Variants in AFG2A observed in about 807,000 individuals in gnomAD.
AFG2A encodes ATPase family gene 2 protein homolog A.
the AFG2A span, chr4:122,923,387 G>A: frequency 6.4e-7 from 1 of 1,562,778 alleles, no homozygotes; most frequent in Non-Finnish European, 8.7e-7. Context: ...GACTTGGGGT[G>A]CAGAGACTTT....
chr4:123,138,929 G>T, the AFG2A span, among the ~76,000 whole-genome samples: 10 of 151,926 alleles, frequency 6.6e-5, no homozygotes, highest in South Asian at 2.1e-3. Context: ...GTATATCAAA[G>T]AACTAGAATT....
the AFG2A span, among the ~76,000 whole-genome samples, chr4:123,005,299 C>T: frequency 6.6e-6 from 1 of 152,032 alleles, no homozygotes; most frequent in Non-Finnish European, 1.5e-5. Flanking sequence ...TACAGGCATG[C>T]ACCATCACGC....
At chr4:123,107,020 C>T in the AFG2A span, among the ~76,000 whole-genome samples, 1 of 152,190 alleles carries the variant, frequency 6.6e-6, no homozygotes, top group Admixed American at 6.5e-5. Context: ...AGATGTACTG[C>T]ACACATCTTC....
At chr4:123,013,017 C>A in the AFG2A span, among the ~76,000 whole-genome samples, 2 of 152,106 alleles carry the variant, frequency 1.3e-5, no homozygotes, top group Admixed American at 6.5e-5. Context: ...GTTTATTTCA[C>A]CTGGGTGTCG....
the AFG2A span, among the ~76,000 whole-genome samples, chr4:123,004,303 G>A: frequency 6.6e-6 from 1 of 152,212 alleles, no homozygotes. Flanking sequence ...GGCACACGGT[G>A]CACTGCACCC....
chr4:123,232,882 A>G, the AFG2A span, among the ~76,000 whole-genome samples: 9 of 152,200 alleles, frequency 5.9e-5, no homozygotes, highest in Admixed American at 4.6e-4. Context: ...CTAACTGTCA[A>G]TTCTTAGCAT....
At chr4:123,080,260 G>A in the AFG2A span, among the ~76,000 whole-genome samples, 1 of 152,222 alleles carries the variant, frequency 6.6e-6, no homozygotes, top group Non-Finnish European at 1.5e-5. Flanking sequence ...ATAGCAGAGA[G>A]CTAGCGCTCT....
At chr4:123,118,741 A>AT in the AFG2A span, among the ~76,000 whole-genome samples, 1 of 152,028 alleles carries the variant, frequency 6.6e-6, no homozygotes, top group Admixed American at 6.6e-5. Flanking sequence ...TGATTCTACC[A>AT]TTTTTTACTT....
chr4:123,139,014 C>T, the AFG2A span, among the ~76,000 whole-genome samples: 10 of 152,046 alleles, frequency 6.6e-5, 1 homozygote, highest in Non-Finnish European at 1.5e-4. Context: ...TCCTATTAAC[C>T]ATGTGGTTTT....
chr4:123,176,214 A>G, the AFG2A span, among the ~76,000 whole-genome samples: 1 of 152,170 alleles, frequency 6.6e-6, no homozygotes, highest in Non-Finnish European at 1.5e-5. Flanking sequence ...TATTTTGTCC[A>G]TACCTGAATA....
the AFG2A span, among the ~76,000 whole-genome samples, chr4:123,302,516 AT>A: frequency 1.9e-4 from 29 of 149,268 alleles, no homozygotes; most frequent in Admixed American, 6.7e-4. Flanking sequence ...ATGCGTGTGT[AT>A]TTTTTTTTTC....
At chr4:123,172,266 A>G in the AFG2A span, among the ~76,000 whole-genome samples, 1 of 152,244 alleles carries the variant, frequency 6.6e-6, no homozygotes, top group South Asian at 2.1e-4. Context: ...CTAACACTTT[A>G]TAAAAATTGT....
the AFG2A span, among the ~76,000 whole-genome samples, chr4:123,230,665 A>G: frequency 1.3e-5 from 2 of 151,980 alleles, no homozygotes; most frequent in African/African-American, 4.8e-5. Context: ...AATCCTTTCC[A>G]GAAAGTTTTC....
At chr4:123,166,395 T>C in the AFG2A span, among the ~76,000 whole-genome samples, 2 of 152,342 alleles carry the variant, frequency 1.3e-5, no homozygotes, top group African/African-American at 4.8e-5. Flanking sequence ...GAACTCGAAC[T>C]GGCTTCCTTT....
At chr4:123,049,862 G>C in the AFG2A span, among the ~76,000 whole-genome samples, 1 of 151,542 alleles carries the variant, frequency 6.6e-6, no homozygotes, top group Non-Finnish European at 1.5e-5. Context: ...TTTTGGGTTT[G>C]GTTTGTTCTT....
chr4:123,224,326 AT>A, the AFG2A span, among the ~76,000 whole-genome samples: 1 of 151,992 alleles, frequency 6.6e-6, no homozygotes, highest in African/African-American at 2.4e-5. Context: ...TCGTCATTTA[AT>A]TTAGGTATAT....
the AFG2A span, among the ~76,000 whole-genome samples, chr4:123,106,956 C>T: frequency 2.0e-5 from 3 of 152,254 alleles, no homozygotes; most frequent in Admixed American, 2.0e-4. Flanking sequence ...ATGGGGTGGG[C>T]AGCTCCACAC....
the AFG2A span, among the ~76,000 whole-genome samples, chr4:123,174,819 T>TTTA: frequency 5.6e-5 from 8 of 143,234 alleles, no homozygotes; most frequent in Non-Finnish European, 9.4e-5. Context: ...TGATCTTTTT[T>TTTA]AAAAAAAATA....
the AFG2A span, among the ~76,000 whole-genome samples, chr4:123,148,670 G>A: frequency 6.6e-6 from 1 of 152,002 alleles, no homozygotes; most frequent in Non-Finnish European, 1.5e-5. Context: ...GGGATAGGAG[G>A]CCAACAATGT....
Sources: gnomAD v4.1 joint callset for allele counts (sites outside exome capture counted in the v4.1 genomes callset) on GRCh38, gnomAD v4.1.1 for gene constraint, MANE v1.5 for transcripts, NCBI Gene and HGNC (gene_info 2026-07-23, HGNC 2026-07-21) for gene names.